Variants in ULK4 observed in about 807,000 individuals in gnomAD.
ULK4 encodes the protein unc-51 like kinase 4.
Under a neutral mutation model 160.6 loss-of-function variants are expected in ULK4, and 133 were observed. That is an observed-to-expected ratio of 0.83 (90% CI 0.72 to 0.96). The LOEUF is 0.96. Ranked by LOEUF, ULK4 falls within the 40% of genes least tolerant of loss-of-function variation. The probability of loss-of-function intolerance (pLI) is 0.00; values close to 1 mark genes in which losing one functional copy is unlikely to be tolerated. For synonymous variants in ULK4, 534 were observed against 539.8 expected (o/e 0.99, Z 0.15); for missense variants, 1,580 against 1,499.5 (o/e 1.05, Z -0.89).
intron 35 of ULK4, among the ~76,000 whole-genome samples, chr3:41,389,022 C>A (rs1040009429): frequency 6.6e-6 from 1 of 151,862 alleles, no homozygotes; most frequent in Non-Finnish European, 1.5e-5. Context: ...GAATGTTCTT[C>A]CATTTCTTTG....
intron 32 of ULK4, among the ~76,000 whole-genome samples, chr3:41,535,673 A>G (rs1017932845): frequency 6.6e-6 from 1 of 150,962 alleles, no homozygotes; most frequent in Non-Finnish European, 1.5e-5. Context: ...GTGCTTCATG[A>G]ATCTACACAC....
intron 32 of ULK4, among the ~76,000 whole-genome samples, chr3:41,496,730 T>C (rs193051376): frequency 9.9e-5 from 15 of 152,252 alleles, no homozygotes; most frequent in Admixed American, 6.5e-4. Context: ...ATACTTAAGA[T>C]TGCACAGATC....
At chr3:41,292,034 C>A (rs370859993) in intron 35 of ULK4, among the ~76,000 whole-genome samples, 10 of 151,972 alleles carry the variant, frequency 6.6e-5, no homozygotes, top group Non-Finnish European at 1.0e-4. Flanking sequence ...GGGGTTTCAC[C>A]GTGTTAGCCA....
At chr3:41,751,640 G>A (rs1412923720) in intron 22 of ULK4, among the ~76,000 whole-genome samples, 1 of 152,210 alleles carries the variant, frequency 6.6e-6, no homozygotes, top group Non-Finnish European at 1.5e-5. Context: ...TCCCAGGGAG[G>A]AAGGACCACA....
intron 16 of ULK4, among the ~76,000 whole-genome samples, chr3:41,888,497 C>T (rs1312603121): frequency 6.6e-6 from 1 of 152,160 alleles, no homozygotes; most frequent in Non-Finnish European, 1.5e-5. Context: ...GGACTTGGAA[C>T]AAACTAAGAC....
intron 35 of ULK4, among the ~76,000 whole-genome samples, chr3:41,259,304 G>C (rs568018547): frequency 1.3e-5 from 2 of 152,054 alleles, no homozygotes; most frequent in Admixed American, 6.6e-5. Flanking sequence ...GTAAAGTAGT[G>C]GTTTTAAACA....
chr3:41,751,973 A>T (rs948844466), intron 22 of ULK4, among the ~76,000 whole-genome samples: 60 of 152,216 alleles, frequency 3.9e-4, no homozygotes, highest in African/African-American at 1.4e-3. Flanking sequence ...CAAGGGCAAG[A>T]ACTAGACAAG....
intron 22 of ULK4, among the ~76,000 whole-genome samples, chr3:41,736,436 T>C (rs1216343334): frequency 4.6e-5 from 7 of 152,000 alleles, no homozygotes; most frequent in African/African-American, 1.5e-4. Flanking sequence ...ATTTCTCTGA[T>C]GGCCAGTGAT....
intron 27 of ULK4, among the ~76,000 whole-genome samples, chr3:41,702,945 C>T (rs1030012995): frequency 1.3e-5 from 2 of 151,392 alleles, no homozygotes; most frequent in African/African-American, 2.4e-5. Context: ...CCTCCGCCTC[C>T]CAGGTTCAAG....
chr3:41,615,154 T>C (rs1279566349), intron 31 of ULK4, among the ~76,000 whole-genome samples: 2 of 152,218 alleles, frequency 1.3e-5, no homozygotes, highest in African/African-American at 4.8e-5. Flanking sequence ...AAGATTTTCT[T>C]TAACAGATGG....
intron 23 of ULK4, 52 bp downstream of exon 23, chr3:41,717,676 T>A: frequency 6.4e-7 from 1 of 1,563,936 alleles, no homozygotes; most frequent in Non-Finnish European, 8.7e-7. Context: ...AAAAGCCAAG[T>A]CTTAGAAACG....
intron 34 of ULK4, among the ~76,000 whole-genome samples, chr3:41,408,194 C>T (rs112315571): frequency 0.014 from 2,129 of 151,478 alleles, 64 homozygotes; most frequent in African/African-American, 0.049. Context: ...TTTGGGAGGC[C>T]GAGGTGGGCG....
chr3:41,488,496 A>T (rs540766758), intron 32 of ULK4, among the ~76,000 whole-genome samples: 2 of 152,198 alleles, frequency 1.3e-5, no homozygotes, highest in African/African-American at 4.8e-5. Context: ...ACGCTTCTGC[A>T]TTAGTTGAAT....
chr3:41,516,141 A>T (rs976356226), intron 32 of ULK4, among the ~76,000 whole-genome samples: 6 of 152,214 alleles, frequency 3.9e-5, no homozygotes, highest in Non-Finnish European at 8.8e-5. Flanking sequence ...TTTCTAAGTG[A>T]AACTCAATAG....
At chr3:41,670,892 C>T (rs761959625) in intron 29 of ULK4, among the ~76,000 whole-genome samples, 1 of 152,018 alleles carries the variant, frequency 6.6e-6, no homozygotes, top group African/African-American at 2.4e-5. Flanking sequence ...GCTCTACTAC[C>T]TACTGTTAAC....
intron 32 of ULK4, among the ~76,000 whole-genome samples, chr3:41,470,036 A>AAAC (rs1553675874): frequency 4.7e-5 from 7 of 148,716 alleles, no homozygotes; most frequent in Non-Finnish European, 8.9e-5. Context: ...AAAAAAAAAA[A>AAAC]AAAAAAAAAA....
In ULK4 at chr3:41,615,731, G is replaced by GA; in HGVS notation, c.3072-15dup. 1 of 1,609,516 alleles carries GA rather than the reference G, an allele frequency of 6.2e-7. No individual in the cohort carries two copies. Among genetic ancestry groups the GA allele is most frequent in the Non-Finnish European group, 8.5e-7 (1 of 1,177,668 alleles). On this transcript the variant is annotated splice_polypyrimidine_tract_variant and intron_variant, in intron 30 of 36. Transcript: ENST00000301831. ...TCTTCCACAAGTCTGTTAAAAACAA[G>GA]AAAAAAAGATAAGTGCACATTAGAC...
chr3:41,377,346 T>C (rs2081527617), intron 35 of ULK4, among the ~76,000 whole-genome samples: 1 of 151,448 alleles, frequency 6.6e-6, no homozygotes, highest in Admixed American at 6.6e-5. Context: ...CCAAAAGCAA[T>C]GGCAACAAAA....
intron 21 of ULK4, among the ~76,000 whole-genome samples, chr3:41,785,843 C>CA (rs2039984035): frequency 6.6e-6 from 1 of 152,142 alleles, no homozygotes; most frequent in Admixed American, 6.6e-5. Flanking sequence ...TCCAACTGCC[C>CA]AGGTTCTTCC....
Sources: gnomAD v4.1 joint callset for allele counts (sites outside exome capture counted in the v4.1 genomes callset) on GRCh38, gnomAD v4.1.1 for gene constraint, MANE v1.5 for transcripts, NCBI Gene and HGNC (gene_info 2026-07-23, HGNC 2026-07-21) for gene names.